Variants in SLC10A7 observed in about 807,000 individuals in gnomAD.
The protein encoded by SLC10A7 is sodium/bile acid cotransporter 7.
Under a neutral mutation model 43.2 loss-of-function variants are expected in SLC10A7, and 29 were observed. The ratio of observed to expected loss-of-function variants is 0.67; its 90% confidence interval spans 0.50 to 0.92. The LOEUF (loss-of-function observed/expected upper bound fraction) is 0.92. Among genes scored for constraint, SLC10A7 ranks in the 40% least tolerant of loss-of-function variants. The pLI, the probability that SLC10A7 is intolerant of heterozygous loss-of-function variation, is 0.00. For synonymous variants in SLC10A7, 152 were observed against 144.8 expected (o/e 1.05, Z -0.35); for missense variants, 295 against 403.2 (o/e 0.73, Z 2.30).
intron 7 of SLC10A7, among the ~76,000 whole-genome samples, chr4:146,299,218 T>C (rs924192141): frequency 6.6e-6 from 1 of 152,204 alleles, no homozygotes; most frequent in African/African-American, 2.4e-5. Flanking sequence ...CTGGTTACAG[T>C]TGTGAAAGTA....
Position 146,347,120 on chromosome 4 carries a change from G to A in SLC10A7, c.436-21124C>T, listed in dbSNP as rs1734679035. ...AGTAAGAATGGCCCAGAGAAGGGTA[G>A]AGGTGGAAGGCACCTAAAAATGGTT... On this transcript the variant is annotated intron_variant, in intron 5 of 11. Coordinates refer to ENST00000335472, the MANE Select transcript of SLC10A7 (RefSeq NM_001029998.6). Among the ~76,000 whole-genome samples the A allele has an allele frequency of 2.0e-5, 3 of 152,254 alleles. No homozygotes were observed. The South Asian group carries it at 6.2e-4, about 32-fold the overall frequency.
In SLC10A7 at chr4:146,301,010, C is replaced by A. The variant is rs991958085; in HGVS notation, c.555+4916G>T. Among the ~76,000 whole-genome samples the A allele has an allele frequency of 3.9e-5, 6 of 152,176 alleles. 1 individual carries two copies. The East Asian group carries it at 1.2e-3, about 29-fold the overall frequency. ...TATTAAGTATACCTATAAATAGTAA[C>A]CTATGGAGACCACCACTTAGGATGA... On this transcript the variant is annotated intron_variant, in intron 7 of 11. Transcript: ENST00000335472.
intron 4 of SLC10A7, among the ~76,000 whole-genome samples, chr4:146,458,051 T>C (rs183318859): frequency 9.9e-5 from 15 of 151,888 alleles, no homozygotes; most frequent in African/African-American, 3.4e-4. Flanking sequence ...AGAATAATCT[T>C]CATGCACATA....
At chr4:146,428,892 TCA>T (rs1473130233) in intron 5 of SLC10A7, among the ~76,000 whole-genome samples, 4 of 152,188 alleles carry the variant, frequency 2.6e-5, no homozygotes, top group Non-Finnish European at 5.9e-5. Context: ...TTTGTAGTAA[TCA>T]CACTTGTAGC....
At chr4:146,492,407 C>A (rs1259234778) in intron 4 of SLC10A7, among the ~76,000 whole-genome samples, 1 of 151,882 alleles carries the variant, frequency 6.6e-6, no homozygotes, top group Non-Finnish European at 1.5e-5. Flanking sequence ...TCACTCTTTC[C>A]CCCAGGCTGG....
At chr4:146,388,132 A>C (rs1190501176) in intron 5 of SLC10A7, among the ~76,000 whole-genome samples, 1 of 152,208 alleles carries the variant, frequency 6.6e-6, no homozygotes, top group Non-Finnish European at 1.5e-5. Flanking sequence ...CCTAAGCAAA[A>C]GAACAAAGCT....
chr4:146,326,439 T>G (rs975858094), intron 5 of SLC10A7, among the ~76,000 whole-genome samples: 2 of 152,200 alleles, frequency 1.3e-5, no homozygotes, highest in Non-Finnish European at 2.9e-5. Flanking sequence ...TGAGATGTCA[T>G]GATTTTGTAA....
chr4:146,453,511 A>C (rs1731780944), intron 4 of SLC10A7, among the ~76,000 whole-genome samples: 1 of 151,944 alleles, frequency 6.6e-6, no homozygotes, highest in Non-Finnish European at 1.5e-5. Flanking sequence ...CGTTTATTTG[A>C]ACATATATTC....
Position 146,299,871 on chromosome 4 carries a change from G to C in SLC10A7, c.556-5776C>G, listed in dbSNP as rs574826417. On this transcript the variant is annotated intron_variant, in intron 7 of 11. Coordinates refer to ENST00000335472, the MANE Select transcript of SLC10A7 (RefSeq NM_001029998.6). ...AAGCTCAGCTGCTCCAGTAGAAGCG[G>C]GGTTGGGCCTTTGTGAAGCAGGTAA... 3.9e-5 allele frequency among the ~76,000 whole-genome samples: 6 copies of C among 152,272 alleles called. No individual in the cohort carries two copies. The East Asian group carries it at 1.2e-3, about 29-fold the overall frequency.
Position 146,345,352 on chromosome 4 carries a change from T to A in SLC10A7, c.436-19356A>T, listed in dbSNP as rs1178254805. ...GGGAGACTACAACACAGTTTCCACA[T>A]TGAAATGCAATCCTTCATTAGTTTC... On this transcript the variant is annotated intron_variant, in intron 5 of 11. Transcript: ENST00000335472. 2.0e-5 allele frequency among the ~76,000 whole-genome samples: 3 copies of A among 152,176 alleles called. No individual in the cohort carries two copies. In the East Asian group the frequency reaches 5.8e-4, roughly 29 times the overall value.
chr4:146,414,662 G>A (rs1354020779), intron 5 of SLC10A7, among the ~76,000 whole-genome samples: 1 of 151,826 alleles, frequency 6.6e-6, no homozygotes, highest in Non-Finnish European at 1.5e-5. Context: ...GACGGAGGTT[G>A]CAGTGGGCCG....
chr4:146,332,540 C>T (rs905907391), intron 5 of SLC10A7, among the ~76,000 whole-genome samples: 1 of 152,154 alleles, frequency 6.6e-6, no homozygotes, highest in Non-Finnish European at 1.5e-5. Context: ...ACCTTGCTCA[C>T]TGTCTTGCTC....
intron 4 of SLC10A7, among the ~76,000 whole-genome samples, chr4:146,489,268 T>C (rs1176691763): frequency 1.3e-5 from 2 of 152,222 alleles, no homozygotes; most frequent in Non-Finnish European, 2.9e-5. Context: ...GGCAGTCTGT[T>C]CTACCTCCAG....
chr4:146,273,979 T>A (rs987210071), intron 10 of SLC10A7, among the ~76,000 whole-genome samples: 1 of 152,086 alleles, frequency 6.6e-6, no homozygotes, highest in African/African-American at 2.4e-5. Flanking sequence ...ACAGTAATAA[T>A]TGTGTTGTAA....
At chr4:146,279,995 G>C (rs1729443134) in intron 10 of SLC10A7, among the ~76,000 whole-genome samples, 1 of 152,002 alleles carries the variant, frequency 6.6e-6, no homozygotes, top group Admixed American at 6.6e-5. Context: ...ATAAATCGAA[G>C]GTGTATATAA....
chr4:146,329,881 C>T (rs1733414985), intron 5 of SLC10A7, among the ~76,000 whole-genome samples: 1 of 152,186 alleles, frequency 6.6e-6, no homozygotes, highest in South Asian at 2.1e-4. Context: ...TTAATTATTT[C>T]TCTTTTCTCT....
At chr4:146,377,573 A>C (rs767120980) in intron 5 of SLC10A7, among the ~76,000 whole-genome samples, 1 of 152,088 alleles carries the variant, frequency 6.6e-6, no homozygotes, top group Non-Finnish European at 1.5e-5. Context: ...CTCCCATCTC[A>C]TTATCACTCT....
chr4:146,428,346 T>A (rs1233261702), intron 5 of SLC10A7, among the ~76,000 whole-genome samples: 1 of 152,200 alleles, frequency 6.6e-6, no homozygotes, highest in Non-Finnish European at 1.5e-5. Context: ...TATTATTTTC[T>A]ATATCTCATT....
At chr4:146,469,067 G>C (rs1409195650) in intron 4 of SLC10A7, among the ~76,000 whole-genome samples, 3 of 152,052 alleles carry the variant, frequency 2.0e-5, no homozygotes, top group African/African-American at 4.8e-5. Flanking sequence ...AAGCTGAATG[G>C]GGAGCACAAC....
Sources: gnomAD v4.1 joint callset for allele counts (sites outside exome capture counted in the v4.1 genomes callset) on GRCh38, gnomAD v4.1.1 for gene constraint, MANE v1.5 for transcripts, NCBI Gene and HGNC (gene_info 2026-07-23, HGNC 2026-07-21) for gene names.